Variants in CTNNA3 observed in about 807,000 individuals in gnomAD.
CTNNA3 encodes the protein catenin alpha 3.
A neutral mutation model predicts 95.7 loss-of-function variants in CTNNA3; 76 were observed. That is an observed-to-expected ratio of 0.79 (90% CI 0.66 to 0.96). The LOEUF (loss-of-function observed/expected upper bound fraction) is 0.96, where lower values mean the gene tolerates loss of function less well. Ranked by LOEUF, CTNNA3 falls within the 40% of genes least tolerant of loss-of-function variation. The probability of loss-of-function intolerance (pLI) is 0.00; values close to 1 mark genes in which losing one functional copy is unlikely to be tolerated. For synonymous variants in CTNNA3, 431 were observed against 374.4 expected (o/e 1.15, Z -1.74); for missense variants, 1,191 against 1,089.8 (o/e 1.09, Z -1.31).
intron 6 of CTNNA3, among the ~76,000 whole-genome samples, chr10:67,218,918 G>T (rs558317244): frequency 6.6e-6 from 1 of 152,260 alleles, no homozygotes; most frequent in East Asian, 1.9e-4. Context: ...ACCTTTCAGT[G>T]TATTCCCATT....
chr10:66,671,917 G>A (rs1846674328), intron 9 of CTNNA3, among the ~76,000 whole-genome samples: 1 of 152,140 alleles, frequency 6.6e-6, no homozygotes, highest in African/African-American at 2.4e-5. Flanking sequence ...TCATGTAAAT[G>A]TTTCATAGTT....
At chr10:67,102,470 T>C (rs1444801706) in intron 7 of CTNNA3, among the ~76,000 whole-genome samples, 2 of 151,768 alleles carry the variant, frequency 1.3e-5, no homozygotes, top group African/African-American at 4.8e-5. Flanking sequence ...AAATTTCACA[T>C]TTTAAAAAGT....
At chr10:67,070,231 C>G (rs1406826860) in intron 7 of CTNNA3, among the ~76,000 whole-genome samples, 1 of 152,126 alleles carries the variant, frequency 6.6e-6, no homozygotes, top group African/African-American at 2.4e-5. Context: ...CTTTTACTCA[C>G]TTTTTTATTG....
chr10:66,505,904 C>T (rs1252217641), intron 11 of CTNNA3, among the ~76,000 whole-genome samples: 1 of 152,014 alleles, frequency 6.6e-6, no homozygotes, highest in Non-Finnish European at 1.5e-5. Flanking sequence ...GTTTGTGTTG[C>T]TATAAAGGAA....
intron 7 of CTNNA3, among the ~76,000 whole-genome samples, chr10:66,962,064 T>C (rs542204100): frequency 1.8e-4 from 27 of 152,298 alleles, no homozygotes; most frequent in South Asian, 4.1e-4. Flanking sequence ...TCTTGGTTTA[T>C]TGAAGTAAGG....
rs888334587 is a variant in CTNNA3, at chr10:67,419,554, C to T, written c.579+102288G>A. Among the ~76,000 whole-genome samples, 159 of 152,092 alleles carry T rather than the reference C, an allele frequency of 1.0e-3. 1 individual carries two copies. Among genetic ancestry groups the T allele is most frequent in the African/African-American group, 3.7e-3 (154 of 41,496 alleles). ...CTATACAGTGTTGATTGTTTTTTTC[C>T]AATTTTCTACATATGCCTCTAGAGT... On this transcript the variant is annotated intron_variant, in intron 5 of 17. Coordinates refer to ENST00000433211, the MANE Select transcript of CTNNA3 (RefSeq NM_013266.4).
At chr10:66,459,378 C>A (rs1453329024) in intron 11 of CTNNA3, among the ~76,000 whole-genome samples, 1 of 152,058 alleles carries the variant, frequency 6.6e-6, no homozygotes, top group Non-Finnish European at 1.5e-5. Context: ...GGTCAGCAAT[C>A]CTAACCCCTG....
chr10:66,920,309 C>A (rs141289963), intron 7 of CTNNA3, among the ~76,000 whole-genome samples: 1 of 152,160 alleles, frequency 6.6e-6, no homozygotes, highest in Non-Finnish European at 1.5e-5. Context: ...TGCAGATGAG[C>A]AAACTGAGAC....
At chr10:67,609,213 G>GA (rs527463094) in intron 2 of CTNNA3, among the ~76,000 whole-genome samples, 209 of 151,406 alleles carry the variant, frequency 1.4e-3, no homozygotes, top group African/African-American at 4.9e-3. Context: ...TGAGAGAAAG[G>GA]AAAAAAACAA....
intron 13 of CTNNA3, among the ~76,000 whole-genome samples, chr10:66,105,158 CTT>C (rs1274284661): frequency 6.6e-6 from 1 of 152,188 alleles, no homozygotes; most frequent in Non-Finnish European, 1.5e-5. Flanking sequence ...GTGTTGATCT[CTT>C]TGCAATCCTT....
At chr10:67,165,168 G>A (rs1861709864) in intron 7 of CTNNA3, among the ~76,000 whole-genome samples, 1 of 152,110 alleles carries the variant, frequency 6.6e-6, no homozygotes, top group African/African-American at 2.4e-5. Context: ...ATACTAATTA[G>A]CAATAAAAAA....
At chr10:66,312,624 G>A (rs112506222) in intron 12 of CTNNA3, among the ~76,000 whole-genome samples, 2,783 of 151,268 alleles carry the variant, frequency 0.018, 93 homozygotes, top group African/African-American at 0.063. Context: ...TCAACTTACC[G>A]CAATCTCCAC....
chr10:66,199,787 ATATATATATATATATATATTTTTT>A (rs2087229669), intron 13 of CTNNA3, among the ~76,000 whole-genome samples: 2 of 12,242 alleles, frequency 1.6e-4, no homozygotes, highest in African/African-American at 7.1e-4. Context: ...ATATATATAT[ATATATATATATATATATATTTTTT>A]TTTTTTTTTT....
intron 7 of CTNNA3, among the ~76,000 whole-genome samples, chr10:67,076,524 A>G (rs1321150353): frequency 5.3e-5 from 8 of 152,234 alleles, no homozygotes; most frequent in Non-Finnish European, 8.8e-5. Flanking sequence ...TTCTTCTTAT[A>G]AAGTAAGTCA....
chr10:67,726,929 TATC>T (rs1841234286), intron 1 of CTNNA3, among the ~76,000 whole-genome samples: 1 of 116,554 alleles, frequency 8.6e-6, no homozygotes, highest in South Asian at 2.4e-4. Flanking sequence ...ATATAAATTA[TATC>T]ATATATCATA....
chr10:67,047,494 C>T (rs1219030690), intron 7 of CTNNA3, among the ~76,000 whole-genome samples: 2 of 151,950 alleles, frequency 1.3e-5, no homozygotes, highest in East Asian at 3.9e-4. Flanking sequence ...ATATTTAAAC[C>T]AGCCTGTCAC....
chr10:66,291,757 T>C (rs1319028154), intron 12 of CTNNA3, among the ~76,000 whole-genome samples: 1 of 151,548 alleles, frequency 6.6e-6, no homozygotes, highest in Admixed American at 6.6e-5. Flanking sequence ...TATTAATATA[T>C]ATCTGTCTGT....
At chr10:66,935,921 C>T (rs1847670770) in intron 7 of CTNNA3, among the ~76,000 whole-genome samples, 1 of 152,018 alleles carries the variant, frequency 6.6e-6, no homozygotes, top group Non-Finnish European at 1.5e-5. Flanking sequence ...AAAGGCTTCT[C>T]AAAGCCAAAT....
intron 5 of CTNNA3, among the ~76,000 whole-genome samples, chr10:67,441,692 T>A (rs1234947946): frequency 6.6e-6 from 1 of 152,132 alleles, no homozygotes; most frequent in East Asian, 1.9e-4. Context: ...ACTTTTATTC[T>A]AGAATAGTAT....
Sources: gnomAD v4.1 joint callset for allele counts (sites outside exome capture counted in the v4.1 genomes callset) on GRCh38, gnomAD v4.1.1 for gene constraint, MANE v1.5 for transcripts, NCBI Gene and HGNC (gene_info 2026-07-23, HGNC 2026-07-21) for gene names.